The following PPFIBP2 variants were observed in gnomAD, a reference collection of about 807,000 sequenced individuals.
The protein encoded by PPFIBP2 is liprin-beta-2.
Under a neutral mutation model 118.3 loss-of-function variants are expected in PPFIBP2, and 118 were observed. The ratio of observed to expected loss-of-function variants is 1.00; its 90% CI spans 0.86 to 1.16. The LOEUF is 1.16. Among genes scored for constraint, PPFIBP2 ranks in the 50% most tolerant of loss-of-function variants. The pLI, the probability that PPFIBP2 is intolerant of heterozygous loss-of-function variation, is 0.00. For missense variants in PPFIBP2, 1,195 were observed against 1,073.1 expected (o/e 1.11, Z -1.59); for synonymous variants, 414 against 397.4 (o/e 1.04, Z -0.50).
chr11:7,665,310 G>A, the PPFIBP2 span: 1 of 1,338,448 alleles, frequency 7.5e-7, no homozygotes, highest in East Asian at 2.5e-5. Flanking sequence ...TTACCGTGGT[G>A]AAATTGAACT....
chr11:7,578,587 C>G (rs983857666), intron 3 of PPFIBP2, among the ~76,000 whole-genome samples: 1 of 152,178 alleles, frequency 6.6e-6, no homozygotes, highest in Non-Finnish European at 1.5e-5. Context: ...GAACCAGCCT[C>G]TTGTGGATCT....
chr11:7,634,612 A>G (rs1178939228), intron 13 of PPFIBP2, 60 bp downstream of exon 13: 1 of 1,307,924 alleles, frequency 7.6e-7, no homozygotes, highest in Non-Finnish European at 1.1e-6. Flanking sequence ...CTAGCATAGT[A>G]CTGGGATATA....
At chr11:7,600,777 C>T (rs1861288783) in intron 5 of PPFIBP2, among the ~76,000 whole-genome samples, 1 of 152,240 alleles carries the variant, frequency 6.6e-6, no homozygotes, top group Admixed American at 6.5e-5. Context: ...CTCCAGTTGA[C>T]TGCCCATGTA....
At chr11:7,569,878 G>A (rs1855459080) in intron 3 of PPFIBP2, among the ~76,000 whole-genome samples, 2 of 152,322 alleles carry the variant, frequency 1.3e-5, no homozygotes, top group African/African-American at 4.8e-5. Context: ...ATGGTGAAAT[G>A]TAGGATGATG....
intron 2 of PPFIBP2, 146 bp from the exon 3 acceptor site, chr11:7,565,407 A>C: frequency 3.8e-6 from 3 of 783,186 alleles, no homozygotes; most frequent in Non-Finnish European, 6.4e-6. Context: ...AGTAGCTGAG[A>C]CTACAGGCGT....
intron 3 of PPFIBP2, among the ~76,000 whole-genome samples, chr11:7,568,646 TG>T (rs1855283989): frequency 6.6e-6 from 1 of 151,960 alleles, no homozygotes; most frequent in Non-Finnish European, 1.5e-5. Flanking sequence ...GATGATAGAG[TG>T]GGGGAAAGTG....
rs185267253 is a variant in PPFIBP2, at chr11:7,576,162, A to G, written c.279+10395A>G. ...GACTGCTCTTCAGACTGGGAGTTCC[A>G]GGAAACCCCGGAGGTGACCCCCAAG... On this transcript the variant is annotated intron_variant, in intron 3 of 23. Transcript: ENST00000299492. 1.9e-3 allele frequency among the ~76,000 whole-genome samples: 289 copies of G among 152,352 alleles called. 2 individuals carry two copies. Among genetic ancestry groups the G allele is most frequent in the African/African-American group, 6.1e-3 (255 of 41,584 alleles).
At chr11:7,631,286 G>C (rs1417165214) in intron 11 of PPFIBP2, 2 of 387,184 alleles carry the variant, frequency 5.2e-6, no homozygotes, top group Non-Finnish European at 9.4e-6. Flanking sequence ...CAGGCTCCTA[G>C]TTTATTTTTA....
intron 2 of PPFIBP2, among the ~76,000 whole-genome samples, chr11:7,563,687 T>C (rs544763646): frequency 6.6e-6 from 1 of 152,292 alleles, no homozygotes; most frequent in African/African-American, 2.4e-5. Flanking sequence ...GTTGGCCTTA[T>C]AAATAATGCA....
Position 7,633,082 on chromosome 11 carries a change from C to A in PPFIBP2, c.1136+148C>A, listed in dbSNP as rs1850991361. 4 of 686,226 alleles carry A rather than the reference C, an allele frequency of 5.8e-6. No individual in the cohort carries two copies. In the South Asian group the frequency reaches 6.8e-5, roughly 12 times the overall value. The allele number at this position is 686,226 out of a possible 1,614,324, so 42.5% of individuals were successfully genotyped here. On this transcript the variant is annotated intron_variant, in intron 12 of 23. Transcript: ENST00000299492. ...CTCTGTTGTTAGGGCAGTTACAAACCAGGCCTACCTCTTTTGGCCACAGAA... is the reference window on the plus strand; with the variant it reads ...CTCTGTTGTTAGGGCAGTTACAAACAAGGCCTACCTCTTTTGGCCACAGAA...
chr11:7,651,578 A>G, intron 22 of PPFIBP2, 78 bp from the exon 23 acceptor site: 1 of 1,359,866 alleles, frequency 7.4e-7, no homozygotes, highest in Non-Finnish European at 1.0e-6. Flanking sequence ...CAGCCCCAAC[A>G]GGCCAGTCTC....
At chr11:7,542,629 TAAAC>T (rs1159908588) in intron 1 of PPFIBP2, among the ~76,000 whole-genome samples, 1 of 152,248 alleles carries the variant, frequency 6.6e-6, no homozygotes, top group Admixed American at 6.5e-5. Flanking sequence ...CTTATTGAAT[TAAAC>T]AAAGTCTTCA....
intron 20 of PPFIBP2, 90 bp from the exon 21 acceptor site, chr11:7,649,442 G>C: frequency 6.5e-7 from 1 of 1,539,792 alleles, no homozygotes; most frequent in Non-Finnish European, 8.9e-7. Context: ...AGATGTGGTT[G>C]ACTTGTCTAT....
chr11:7,633,307 C>T (rs1306874537), intron 12 of PPFIBP2, among the ~76,000 whole-genome samples: 1 of 152,300 alleles, frequency 6.6e-6, no homozygotes, highest in Admixed American at 6.5e-5. Context: ...AGCCCTTTGA[C>T]AGTCGAAGCT....
At chr11:7,527,103 T>A (rs1258073677) in intron 1 of PPFIBP2, among the ~76,000 whole-genome samples, 1 of 151,074 alleles carries the variant, frequency 6.6e-6, no homozygotes, top group Admixed American at 6.6e-5. Flanking sequence ...CACTCCCTTC[T>A]ATACCTACCA....
intron 7 of PPFIBP2, among the ~76,000 whole-genome samples, chr11:7,624,130 G>A (rs2135669001): frequency 6.6e-6 from 1 of 152,326 alleles, no homozygotes; most frequent in South Asian, 2.1e-4. Flanking sequence ...CCCTTGCGGT[G>A]GGCTGAGGGA....
At chr11:7,547,449 G>A (rs906520413) in intron 1 of PPFIBP2, among the ~76,000 whole-genome samples, 5 of 152,156 alleles carry the variant, frequency 3.3e-5, no homozygotes, top group African/African-American at 9.7e-5. Context: ...TAGAGAAAGA[G>A]CAGTGGGAAG....
At chr11:7,595,341 A>G (rs916148694) in intron 4 of PPFIBP2, among the ~76,000 whole-genome samples, 1 of 152,234 alleles carries the variant, frequency 6.6e-6, no homozygotes, top group African/African-American at 2.4e-5. Flanking sequence ...AGAGTATCCA[A>G]TGTAAGATTT....
intron 3 of PPFIBP2, among the ~76,000 whole-genome samples, chr11:7,591,148 G>T (rs1859211270): frequency 6.6e-6 from 1 of 152,060 alleles, no homozygotes; most frequent in Admixed American, 6.5e-5. Context: ...ACCTCTCTGG[G>T]TGATTGTATG....
Sources: allele counts gnomAD v4.1 joint callset (sites outside exome capture counted in the v4.1 genomes callset), GRCh38; gene constraint gnomAD v4.1.1; transcripts MANE v1.5; gene names NCBI Gene and HGNC (gene_info 2026-07-23, HGNC 2026-07-21).